The following AP1G1 variants were observed in gnomAD, a reference collection of about 807,000 sequenced individuals.
AP1G1 encodes adaptor related protein complex 1 subunit gamma 1.
AP1G1 carries 7 observed loss-of-function variants against 108.3 expected under a neutral mutation model. The ratio of observed to expected loss-of-function variants is 0.06; its 90% CI spans 0.04 to 0.12. AP1G1 has a LOEUF of 0.12. Ranked by LOEUF, AP1G1 falls within the 10% of genes least tolerant of loss-of-function variation. AP1G1 has a pLI of 1.00. For missense variants in AP1G1, 756 were observed against 1,010.7 expected (o/e 0.75, Z 3.42); for synonymous variants, 379 against 353.5 (o/e 1.07, Z -0.81).
chr16:71,751,366 T>C (rs888454953), intron 13 of AP1G1: 2 of 151,208 alleles, frequency 1.3e-5, no homozygotes, highest in Non-Finnish European at 2.9e-5. Flanking sequence ...TTTAAAACTT[T>C]ATCACCCAAC....
chr16:71,807,345 C>G (rs575325111), intron 1 of AP1G1, among the ~76,000 whole-genome samples: 1 of 152,152 alleles, frequency 6.6e-6, no homozygotes, highest in Non-Finnish European at 1.5e-5. Context: ...GGCAGGAGAA[C>G]TGCTTGAACC....
At chr16:71,757,510 A>G (rs1646310273) in intron 11 of AP1G1, among the ~76,000 whole-genome samples, 1 of 152,242 alleles carries the variant, frequency 6.6e-6, no homozygotes, top group African/African-American at 2.4e-5. Context: ...TAAGTAGCAA[A>G]AAATTCAATC....
Position 71,757,307 on chromosome 16 carries a change from C to A in AP1G1, c.1089-1148G>T, listed in dbSNP as rs377071100. Among the ~76,000 whole-genome samples the A allele has an allele frequency of 4.6e-5, 7 of 151,978 alleles. No individual in the cohort carries two copies. In the South Asian group the frequency reaches 1.0e-3, roughly 23 times the overall value. On this transcript the variant is annotated intron_variant, in intron 11 of 22. Coordinates refer to ENST00000299980, the MANE Select transcript of AP1G1 (RefSeq NM_001128.6). ...CTCTACTAAAAATATAAAAATTAGC[C>A]GGGTGTGGTGGCAGGCGCCTGTAAT...
chr16:71,752,185 C>CA (rs971949594), intron 13 of AP1G1, among the ~76,000 whole-genome samples: 42 of 149,554 alleles, frequency 2.8e-4, no homozygotes, highest in African/African-American at 6.9e-4. Context: ...ATCAGGGGCA[C>CA]AAAAAAAAAG....
intron 4 of AP1G1, among the ~76,000 whole-genome samples, chr16:71,772,771 T>G (rs1463602169): frequency 6.6e-6 from 1 of 152,270 alleles, no homozygotes; most frequent in African/African-American, 2.4e-5. Flanking sequence ...TATCAACAAA[T>G]AAAATCAGAT....
chr16:71,800,626 C>T (rs2032761491), intron 1 of AP1G1, among the ~76,000 whole-genome samples: 1 of 149,706 alleles, frequency 6.7e-6, no homozygotes, highest in Non-Finnish European at 1.5e-5. Context: ...ATGGTGAAAC[C>T]CCATCTCTAC....
chr16:71,807,131 G>A (rs758800970), intron 1 of AP1G1, among the ~76,000 whole-genome samples: 9 of 152,180 alleles, frequency 5.9e-5, no homozygotes, highest in Non-Finnish European at 1.0e-4. Context: ...GTGAATAACT[G>A]TGAAATACTT....
At chr16:71,783,572 A>T (rs1567659008) in intron 2 of AP1G1, among the ~76,000 whole-genome samples, 1 of 152,164 alleles carries the variant, frequency 6.6e-6, no homozygotes, top group African/African-American at 2.4e-5. Flanking sequence ...GATGTATAAG[A>T]CTGTACAGAA....
At chr16:71,769,757 A>G in intron 5 of AP1G1, 58 bp from the exon 6 acceptor site, 1 of 1,436,950 alleles carries the variant, frequency 7.0e-7, no homozygotes, top group Non-Finnish European at 9.7e-7. Flanking sequence ...ATTTTATAGA[A>G]CAGGACTTTG....
intron 6 of AP1G1, among the ~76,000 whole-genome samples, chr16:71,768,073 T>C (rs1255155550): frequency 6.6e-6 from 1 of 151,718 alleles, no homozygotes; most frequent in Non-Finnish European, 1.5e-5. Context: ...GAGTTCTATT[T>C]ATGGAATGAC....
intron 1 of AP1G1, among the ~76,000 whole-genome samples, chr16:71,796,344 T>A (rs376541173): frequency 6.6e-6 from 1 of 152,162 alleles, no homozygotes; most frequent in Non-Finnish European, 1.5e-5. Context: ...GGTTTCACCA[T>A]GGCTTAAAAT....
At position 71,758,283 on chromosome 16, in the gene AP1G1, TG is replaced by T. The variant is rs1427890919; in HGVS notation, c.1088+524del. The T allele has an allele frequency of 3.9e-5, 15 of 382,554 alleles. No homozygotes were observed. In the Admixed American group the frequency reaches 4.5e-4, roughly 11 times the overall value. 23.7% of individuals were successfully genotyped at this position (382,554 alleles called of 1,614,324 possible). On this transcript the variant is annotated intron_variant, in intron 11 of 22. Transcript: ENST00000299980. Reference sequence around the variant, plus strand: ...AAGACATCCAGTAGAATTACTCCACTGAGGGAAGAGATTTATGCTTTTTGAG... The same window carrying T: ...AAGACATCCAGTAGAATTACTCCACTAGGGAAGAGATTTATGCTTTTTGAG...
At chr16:71,806,449 G>T (rs2033001098) in intron 1 of AP1G1, among the ~76,000 whole-genome samples, 1 of 152,164 alleles carries the variant, frequency 6.6e-6, no homozygotes, top group Non-Finnish European at 1.5e-5. Flanking sequence ...TCATTAGGTT[G>T]CCCAGGCTGG....
Position 71,808,791 on chromosome 16 carries a change from G to A in AP1G1, c.-32C>T, listed in dbSNP as rs2033089984. The A allele has an allele frequency of 7.8e-7, 1 of 1,289,598 alleles. No homozygotes were observed. The highest frequency in any genetic ancestry group is 1.0e-6 in the Non-Finnish European group (1 of 988,804). The allele number at this position is 1,289,598 out of a possible 1,614,324, so 79.9% of individuals were successfully genotyped here. ...CCCGAAACCTCGAATGAAACCAGCA[G>A]CTCCGGGGGCGGCGGCAGCAGTGGC... On this transcript the variant is annotated 5_prime_UTR_variant, in exon 1 of 23. Coordinates refer to ENST00000299980, the MANE Select transcript of AP1G1 (RefSeq NM_001128.6).
At chr16:71,796,775 T>C (rs2032600434) in intron 1 of AP1G1, among the ~76,000 whole-genome samples, 1 of 152,304 alleles carries the variant, frequency 6.6e-6, no homozygotes, top group African/African-American at 2.4e-5. Flanking sequence ...TCTTATTTTA[T>C]GCTTAATTAT....
At chr16:71,750,590 A>G (rs750100050) in intron 13 of AP1G1, 6 of 341,414 alleles carry the variant, frequency 1.8e-5, no homozygotes, top group South Asian at 9.3e-5. Flanking sequence ...AATTTTTTCT[A>G]TTTTTAGTAG....
chr16:71,767,414 G>A (rs1033493395), intron 6 of AP1G1, among the ~76,000 whole-genome samples: 7 of 152,152 alleles, frequency 4.6e-5, no homozygotes, highest in African/African-American at 1.4e-4. Flanking sequence ...TTAAGTACAG[G>A]TAAGAGAGAA....
intron 4 of AP1G1, chr16:71,772,811 C>A: frequency 4.3e-6 from 1 of 230,086 alleles, no homozygotes; most frequent in Non-Finnish European, 8.8e-6. Flanking sequence ...ATTACTAATC[C>A]ATTCAGAAAG....
At chr16:71,751,395 C>A (rs1005540177) in intron 13 of AP1G1, 5 of 150,742 alleles carry the variant, frequency 3.3e-5, no homozygotes, top group African/African-American at 4.9e-5. Flanking sequence ...ATCTCCCATT[C>A]CTAAATAGAA....
Sources: allele counts gnomAD v4.1 joint callset (sites outside exome capture counted in the v4.1 genomes callset), GRCh38; gene constraint gnomAD v4.1.1; transcripts MANE v1.5; gene names NCBI Gene and HGNC (gene_info 2026-07-23, HGNC 2026-07-21).